FOCAD: variants seen among roughly 807,000 people sequenced by gnomAD.
FOCAD encodes focadhesin, also known as KIAA1797.
In FOCAD, 198 loss-of-function variants were observed where a neutral mutation model predicts 225.6. That is an observed-to-expected ratio of 0.88 (90% CI 0.78 to 0.99). FOCAD has a LOEUF of 0.99. Among genes scored for constraint, FOCAD ranks in the 50% least tolerant of loss-of-function variants. The pLI is 0.00. For synonymous variants in FOCAD, 897 were observed against 755.0 expected (o/e 1.19, Z -3.08); for missense variants, 2,713 against 2,123.6 (o/e 1.28, Z -5.46).
intron 1 of FOCAD, among the ~76,000 whole-genome samples, chr9:20,704,656 C>A (rs1487896124): frequency 6.6e-6 from 1 of 152,176 alleles, no homozygotes; most frequent in Non-Finnish European, 1.5e-5. Context: ...TTCAATATTA[C>A]TCTTTTCATA....
At chr9:20,849,510 C>G (rs992292238) in intron 15 of FOCAD, among the ~76,000 whole-genome samples, 1 of 151,870 alleles carries the variant, frequency 6.6e-6, no homozygotes, top group East Asian at 1.9e-4. Context: ...CTCACTTACA[C>G]TTGTGGAGTT....
chr9:20,925,962 A>G (rs1406728167), intron 25 of FOCAD, among the ~76,000 whole-genome samples: 1 of 152,192 alleles, frequency 6.6e-6, no homozygotes, highest in Non-Finnish European at 1.5e-5. Flanking sequence ...TTTTTTGCAC[A>G]TCTGTCCTTT....
At chr9:20,698,551 C>G (rs1168853471) in intron 1 of FOCAD, among the ~76,000 whole-genome samples, 1 of 152,104 alleles carries the variant, frequency 6.6e-6, no homozygotes, top group African/African-American at 2.4e-5. Flanking sequence ...CAGGGACACG[C>G]CACTGTGCCT....
chr9:20,832,027 C>A (rs1286835836), intron 15 of FOCAD, among the ~76,000 whole-genome samples: 1 of 152,014 alleles, frequency 6.6e-6, no homozygotes, highest in Non-Finnish European at 1.5e-5. Context: ...TGTATCAATA[C>A]TTTTTATAGT....
intron 10 of FOCAD, among the ~76,000 whole-genome samples, chr9:20,782,153 G>A (rs573804682): frequency 1.3e-5 from 2 of 152,008 alleles, no homozygotes; most frequent in African/African-American, 4.8e-5. Flanking sequence ...TTTTTTCTCT[G>A]AAAATCCAGT....
chr9:20,756,814 T>C (rs1471667065), intron 5 of FOCAD, among the ~76,000 whole-genome samples: 1 of 152,232 alleles, frequency 6.6e-6, no homozygotes, highest in Non-Finnish European at 1.5e-5. Flanking sequence ...TTACTCTTTT[T>C]TGAAAAATCA....
chr9:20,747,478 G>A (rs768025205), intron 5 of FOCAD, among the ~76,000 whole-genome samples: 2 of 152,010 alleles, frequency 1.3e-5, no homozygotes, highest in East Asian at 1.9e-4. Flanking sequence ...CTCTTAAAGC[G>A]TACAAGTCAG....
intron 28 of FOCAD, among the ~76,000 whole-genome samples, chr9:20,939,819 T>C (rs1836454741): frequency 6.6e-6 from 1 of 151,862 alleles, no homozygotes; most frequent in Non-Finnish European, 1.5e-5. Flanking sequence ...TTGTTGCATA[T>C]GTATACATGT....
chr9:20,952,836 A>G, intron 34 of FOCAD, 149 bp from the exon 35 acceptor site: 1 of 665,576 alleles, frequency 1.5e-6, no homozygotes, highest in Non-Finnish European at 2.6e-6. Context: ...TAATAGAATT[A>G]GTTGCAGCCA....
chr9:20,988,275 G>A, intron 40 of FOCAD, 57 bp from the exon 41 acceptor site: 1 of 1,103,596 alleles, frequency 9.1e-7, no homozygotes, highest in East Asian at 2.4e-5. Context: ...TTACTGATCT[G>A]TTTTACATTT....
At chr9:20,719,364 T>A (rs1825599466) in intron 3 of FOCAD, among the ~76,000 whole-genome samples, 1 of 152,226 alleles carries the variant, frequency 6.6e-6, no homozygotes, top group African/African-American at 2.4e-5. Context: ...ATTACAGGCA[T>A]GAGCCACAGT....
chr9:20,968,431 C>CTTTTTTTTTTTTTTTTT (rs35624897), intron 35 of FOCAD, among the ~76,000 whole-genome samples: 1 of 43,622 alleles, frequency 2.3e-5, no homozygotes, highest in Non-Finnish European at 4.0e-5. Flanking sequence ...TTTTCTTATT[C>CTTTTTTTTTTTTTTTTT]TTTTTTTTTT....
chr9:20,824,955 T>C (rs557514924), intron 15 of FOCAD, among the ~76,000 whole-genome samples: 16 of 152,256 alleles, frequency 1.1e-4, no homozygotes, highest in South Asian at 2.1e-4. Flanking sequence ...TTTATAGATA[T>C]TACCAATGTC....
chr9:20,850,613 G>C (rs1345052625), intron 15 of FOCAD, among the ~76,000 whole-genome samples: 2 of 151,532 alleles, frequency 1.3e-5, no homozygotes, highest in Non-Finnish European at 3.0e-5. Flanking sequence ...AAACTTTTTA[G>C]GAGTTGCATG....
intron 35 of FOCAD, among the ~76,000 whole-genome samples, chr9:20,968,529 C>T (rs1839475913): frequency 6.7e-6 from 1 of 149,214 alleles, no homozygotes; most frequent in Non-Finnish European, 1.5e-5. Flanking sequence ...GCAACCTCCA[C>T]CTCCTGGGTT....
intron 35 of FOCAD, among the ~76,000 whole-genome samples, chr9:20,972,267 G>GC (rs1564224198): frequency 1.3e-5 from 2 of 152,032 alleles, no homozygotes; most frequent in African/African-American, 4.8e-5. Flanking sequence ...TCCATTATTT[G>GC]CATATCCTGG....
intron 21 of FOCAD, among the ~76,000 whole-genome samples, chr9:20,887,574 T>G (rs2131878318): frequency 6.6e-6 from 1 of 152,330 alleles, no homozygotes; most frequent in East Asian, 1.9e-4. Context: ...GTTTGTTTAT[T>G]AATTCACCAG....
intron 27 of FOCAD, among the ~76,000 whole-genome samples, chr9:20,930,320 C>T (rs114433712): frequency 5.3e-5 from 8 of 152,086 alleles, no homozygotes; most frequent in African/African-American, 1.9e-4. Context: ...TATTTTCTAG[C>T]AATTCTTAGA....
At chr9:20,715,098 A>G (rs775245968) in intron 1 of FOCAD, among the ~76,000 whole-genome samples, 1 of 152,196 alleles carries the variant, frequency 6.6e-6, no homozygotes, top group Non-Finnish European at 1.5e-5. Context: ...TCTCATGGGA[A>G]AAACCAAGAG....
Sources: allele counts gnomAD v4.1 joint callset (sites outside exome capture counted in the v4.1 genomes callset), GRCh38; gene constraint gnomAD v4.1.1; transcripts MANE v1.5; gene names NCBI Gene and HGNC (gene_info 2026-07-23, HGNC 2026-07-21).